Variants in GOLGA4 observed in about 807,000 individuals in gnomAD.
The protein encoded by GOLGA4 is golgin A4.
GOLGA4 carries 169 observed loss-of-function variants against 265.9 expected under a neutral mutation model. That is an observed-to-expected ratio of 0.64 (90% CI 0.56 to 0.72). GOLGA4 has a LOEUF of 0.72. Among genes scored for constraint, GOLGA4 ranks in the 30% least tolerant of loss-of-function variants. The pLI is 0.00. For synonymous variants in GOLGA4, 923 were observed against 855.8 expected (o/e 1.08, Z -1.37); for missense variants, 2,482 against 2,483.4 (o/e 1.00, Z 0.01).
At chr3:37,251,507 A>G (rs779119031) in intron 2 of GOLGA4, 23 bp downstream of exon 2, 22 of 1,375,070 alleles carry the variant, frequency 1.6e-5, no homozygotes, top group Middle Eastern at 1.8e-4. Context: ...TTCCTTTTCT[A>G]GTATACCTCT....
Position 37,366,218 on chromosome 3 carries a change from G to T in GOLGA4, c.*172G>T. 1 of 730,280 alleles carries T rather than the reference G, an allele frequency of 1.4e-6. No individual in the cohort carries two copies. The highest frequency in any genetic ancestry group is 2.5e-5 in the South Asian group (1 of 40,580). 45.2% of individuals were successfully genotyped at this position (730,280 alleles called of 1,614,324 possible). ...TAGCCAAAAGACCAAGAAAAATCTG[G>T]CCCACAGATAAGTTGCAGACTGCCT... On this transcript the variant is annotated 3_prime_UTR_variant, in exon 24 of 24. Coordinates refer to ENST00000361924, the MANE Select transcript of GOLGA4 (RefSeq NM_002078.5).
At chr3:37,308,925 T>A (rs1270109910) in intron 10 of GOLGA4, among the ~76,000 whole-genome samples, 2 of 151,824 alleles carry the variant, frequency 1.3e-5, no homozygotes. Flanking sequence ...AAAGTAAAAA[T>A]TTTAACAATA....
At chr3:37,340,623 A>G (rs1428505553) in intron 20 of GOLGA4, among the ~76,000 whole-genome samples, 2 of 152,152 alleles carry the variant, frequency 1.3e-5, no homozygotes, top group Non-Finnish European at 2.9e-5. Context: ...CCCACCCCCC[A>G]CAGTCCCTTA....
At chr3:37,299,237 A>G (rs2096886631) in intron 8 of GOLGA4, 51 bp from the exon 9 acceptor site, 1 of 1,212,392 alleles carries the variant, frequency 8.2e-7, no homozygotes, top group Non-Finnish European at 1.2e-6. Context: ...GAGTTCTCAA[A>G]TGAGAAGAAG....
chr3:37,264,978 C>CTATGG (rs1345653332), intron 2 of GOLGA4, among the ~76,000 whole-genome samples: 2 of 152,030 alleles, frequency 1.3e-5, no homozygotes, highest in African/African-American at 4.8e-5. Context: ...GGGGGAGGCC[C>CTATGG]TATATACCCA....
In GOLGA4 at chr3:37,324,430, A is replaced by G. The variant is rs376504943; in HGVS notation, c.2544A>G (p.Gln848=). ...LTKQVAEVEA[Q]KKDVCTELDA... Reference sequence around the variant, plus strand: ...AACAGGTTGCTGAAGTTGAAGCACAAAAGAAAGATGTTTGTACTGAGTTAG... The same window carrying G: ...AACAGGTTGCTGAAGTTGAAGCACAGAAGAAAGATGTTTGTACTGAGTTAG... Residue 848 remains glutamine, a synonymous_variant, in exon 14 of 24, where the codon CAA becomes CAG. Transcript: ENST00000361924. The G allele has an allele frequency of 1.3e-5, 21 of 1,614,092 alleles. No individual in the cohort carries two copies. Among genetic ancestry groups the G allele is most frequent in the Non-Finnish European group, 1.6e-5 (19 of 1,180,034 alleles).
chr3:37,304,484 G>C (rs1197599825), intron 10 of GOLGA4, among the ~76,000 whole-genome samples: 1 of 152,194 alleles, frequency 6.6e-6, no homozygotes, highest in Admixed American at 6.5e-5. Flanking sequence ...TTTGAGTGTT[G>C]TAAGACATTG....
intron 15 of GOLGA4, 78 bp downstream of exon 15, chr3:37,328,615 G>T: frequency 7.7e-7 from 1 of 1,299,284 alleles, no homozygotes; most frequent in Non-Finnish European, 1.1e-6. Context: ...TTGCAGTGGT[G>T]GTAAGTGCAT....
At chr3:37,334,466 G>A (rs1004588485) in intron 16 of GOLGA4, among the ~76,000 whole-genome samples, 1 of 151,960 alleles carries the variant, frequency 6.6e-6, no homozygotes, top group Non-Finnish European at 1.5e-5. Context: ...TGTCAAATTA[G>A]GACAAAGGAC....
chr3:37,260,758 A>C (rs1051510034), intron 2 of GOLGA4, among the ~76,000 whole-genome samples: 7 of 152,192 alleles, frequency 4.6e-5, no homozygotes, highest in African/African-American at 1.7e-4. Context: ...CCAGTATTAC[A>C]CATGAGAGAT....
chr3:37,255,667 C>A (rs1347888917), intron 2 of GOLGA4, among the ~76,000 whole-genome samples: 1 of 152,032 alleles, frequency 6.6e-6, no homozygotes, highest in Non-Finnish European at 1.5e-5. Flanking sequence ...ATTCCAGATA[C>A]GTAGACTTTA....
intron 15 of GOLGA4, 58 bp downstream of exon 15, chr3:37,328,595 CT>C: frequency 6.7e-7 from 1 of 1,492,860 alleles, no homozygotes; most frequent in Non-Finnish European, 9.1e-7. Flanking sequence ...ATAATTTAAG[CT>C]TATCATTTTT....
intron 10 of GOLGA4, among the ~76,000 whole-genome samples, chr3:37,307,005 C>A (rs7641125): frequency 2.4e-4 from 37 of 152,214 alleles, no homozygotes; most frequent in African/African-American, 8.2e-4. Flanking sequence ...GTAACCCATG[C>A]CACAATGTTA....
At chr3:37,329,260 A>G in intron 16 of GOLGA4, 167 bp downstream of exon 16, 1 of 491,710 alleles carries the variant, frequency 2.0e-6, no homozygotes, top group Non-Finnish European at 3.5e-6. Flanking sequence ...TATAAAGTTG[A>G]GTTGATTTCT....
chr3:37,360,247 A>G (rs951450484), intron 22 of GOLGA4, among the ~76,000 whole-genome samples: 3 of 151,964 alleles, frequency 2.0e-5, no homozygotes, highest in Non-Finnish European at 4.4e-5. Flanking sequence ...TCAATGGCTG[A>G]TTGTATGATT....
Position 37,315,518 on chromosome 3 carries a change from G to T in GOLGA4, c.1333G>T (p.Glu445Ter). 6.2e-7 allele frequency: 1 copy of T among 1,613,830 alleles called. No homozygotes were observed. The highest frequency in any genetic ancestry group is 8.5e-7 in the Non-Finnish European group (1 of 1,179,818). Reference sequence around the variant, plus strand: ...AATGGATGAACAAATAAAAACTATCGAAAAAACAAGTGAGGAGGAACGCAT... The same window carrying T: ...AATGGATGAACAAATAAAAACTATCTAAAAAACAAGTGAGGAGGAACGCAT... ...AEMDEQIKTI[E>*]KTSEEERISL... The change falls in exon 11 of 24, where the codon GAA becomes TAA. Residue 445 changes from glutamate (E) to a stop codon, truncating the protein, a stop_gained. Coordinates refer to ENST00000361924, the MANE Select transcript of GOLGA4 (RefSeq NM_002078.5). LOFTEE classifies it high-confidence loss of function.
chr3:37,275,815 G>A (rs1027364579), intron 2 of GOLGA4: 6 of 1,613,720 alleles, frequency 3.7e-6, no homozygotes, highest in East Asian at 2.2e-5. Context: ...TGGAATTACT[G>A]CAGTCCACAA....
intron 10 of GOLGA4, among the ~76,000 whole-genome samples, chr3:37,304,080 T>C (rs972324044): frequency 3.9e-5 from 6 of 152,058 alleles, no homozygotes; most frequent in Non-Finnish European, 7.4e-5. Context: ...CAATGAGACA[T>C]AAATGAGAAA....
At chr3:37,303,242 G>A (rs1345185819) in intron 10 of GOLGA4, among the ~76,000 whole-genome samples, 1 of 152,216 alleles carries the variant, frequency 6.6e-6, no homozygotes, top group Non-Finnish European at 1.5e-5. Context: ...AAGGCATAAT[G>A]TGATGGGAGC....
Sources: allele counts gnomAD v4.1 joint callset (sites outside exome capture counted in the v4.1 genomes callset), GRCh38; gene constraint gnomAD v4.1.1; transcripts MANE v1.5; gene names NCBI Gene and HGNC (gene_info 2026-07-23, HGNC 2026-07-21).